The following GDAP1L1 variants were observed in gnomAD, a reference collection of about 807,000 sequenced individuals.
The protein encoded by GDAP1L1 is ganglioside-induced differentiation-associated protein 1-like 1.
GDAP1L1 carries 21 observed loss-of-function variants against 37.1 expected under a neutral mutation model. That is an observed-to-expected ratio of 0.57 (90% CI 0.40 to 0.81). GDAP1L1 has a LOEUF of 0.81. GDAP1L1 is among the 40% of genes least tolerant of loss of function. The probability of loss-of-function intolerance (pLI) is 0.00; values close to 1 mark genes in which losing one functional copy is unlikely to be tolerated. For missense variants in GDAP1L1, 362 were observed against 491.6 expected (o/e 0.74, Z 2.49); for synonymous variants, 193 against 209.1 (o/e 0.92, Z 0.67).
In GDAP1L1 at chr20:44,280,410, T is replaced by G. The variant is rs1240433528; in HGVS notation, c.*1110T>G. 1 of 153,018 alleles carries G rather than the reference T, an allele frequency of 6.5e-6. No homozygotes were observed. The highest frequency in any genetic ancestry group is 6.5e-5 in the Admixed American group (1 of 15,296). 9.5% of individuals were successfully genotyped at this position (153,018 alleles called of 1,614,324 possible). On this transcript the variant is annotated 3_prime_UTR_variant, in exon 6 of 6. Transcript: ENST00000342560. ...CATTTCTAAACCTGTGCTGTCCATC[T>G]AGTTCTCATTGCCAAGTGCTGGAGC...
intron 1 of GDAP1L1, among the ~76,000 whole-genome samples, chr20:44,250,299 C>T (rs955641377): frequency 6.6e-6 from 1 of 152,290 alleles, no homozygotes; most frequent in African/African-American, 2.4e-5. Flanking sequence ...TGGGTAATCC[C>T]GTGCAAGCTG....
intron 1 of GDAP1L1, among the ~76,000 whole-genome samples, chr20:44,256,693 T>C (rs1301702050): frequency 6.6e-6 from 1 of 151,936 alleles, no homozygotes; most frequent in African/African-American, 2.4e-5. Context: ...TTTCTGTGAA[T>C]TTCCTGGCCA....
Position 44,253,160 on chromosome 20 carries a change from G to T in GDAP1L1, c.181-3993G>T, listed in dbSNP as rs117344568. Among the ~76,000 whole-genome samples the T allele has an allele frequency of 5.4e-3, 819 of 152,096 alleles. 49 individuals carry two copies. The East Asian group carries it at 0.13, about 24-fold the overall frequency. On this transcript the variant is annotated intron_variant, in intron 1 of 5. Coordinates refer to ENST00000342560, the MANE Select transcript of GDAP1L1 (RefSeq NM_024034.6). ...TGCTCTATTTTCTCTTTTTTTGGAC[G>T]CACTCACCGTCTTTTGACAGACCAA...
intron 5 of GDAP1L1, among the ~76,000 whole-genome samples, chr20:44,266,673 T>C (rs2073766420): frequency 6.6e-6 from 1 of 152,132 alleles, no homozygotes; most frequent in Non-Finnish European, 1.5e-5. Context: ...GGCTGCCTTC[T>C]TGCCGTGTCC....
chr20:44,276,429 A>AAAGAAAGAAAGAAAGG (rs2062578671), intron 5 of GDAP1L1, among the ~76,000 whole-genome samples: 4 of 141,342 alleles, frequency 2.8e-5, no homozygotes, highest in African/African-American at 1.1e-4. Context: ...AGAAAGAAAG[A>AAAGAAAGAAAGAAAGG]AAGAAAGAAA....
intron 5 of GDAP1L1, chr20:44,264,929 G>T (rs1317571591): frequency 1.9e-5 from 20 of 1,057,446 alleles, no homozygotes; most frequent in Non-Finnish European, 2.1e-5. Context: ...GCAGCTCATA[G>T]ATGTCATGGT....
intron 1 of GDAP1L1, among the ~76,000 whole-genome samples, chr20:44,252,688 T>A (rs1304592895): frequency 6.6e-6 from 1 of 152,074 alleles, no homozygotes; most frequent in Non-Finnish European, 1.5e-5. Flanking sequence ...CTAGGCATGG[T>A]GGTGCATGCC....
In GDAP1L1 at chr20:44,250,688, A is replaced by G. The variant is rs190910684; in HGVS notation, c.180+3174A>G. Among the ~76,000 whole-genome samples, 135 of 152,332 alleles carry G rather than the reference A, an allele frequency of 8.9e-4. 1 individual carries two copies. The highest frequency in any genetic ancestry group is 3.0e-3 in the African/African-American group (126 of 41,586). On this transcript the variant is annotated intron_variant, in intron 1 of 5. Transcript: ENST00000342560. ...ATTGCCTGTTAAGAGTGAGCTTTCAAGCACTATCATAGGTCATTGCTTGGG... is the reference window on the plus strand; with the variant it reads ...ATTGCCTGTTAAGAGTGAGCTTTCAGGCACTATCATAGGTCATTGCTTGGG...
At chr20:44,272,988 C>T (rs1568657862) in intron 5 of GDAP1L1, among the ~76,000 whole-genome samples, 3 of 152,164 alleles carry the variant, frequency 2.0e-5, no homozygotes, top group South Asian at 2.1e-4. Flanking sequence ...TGCACACAGA[C>T]CTGAGTAAAG....
chr20:44,258,675 A>T, intron 3 of GDAP1L1, 68 bp downstream of exon 3: 1 of 1,174,512 alleles, frequency 8.5e-7, no homozygotes. Flanking sequence ...CTTCCAAAGG[A>T]TGTCCTCCCT....
At chr20:44,248,807 G>A (rs1191562973) in intron 1 of GDAP1L1, among the ~76,000 whole-genome samples, 1 of 152,186 alleles carries the variant, frequency 6.6e-6, no homozygotes, top group Non-Finnish European at 1.5e-5. Flanking sequence ...GCGACCAGGT[G>A]ATGCTGATGA....
intron 3 of GDAP1L1, among the ~76,000 whole-genome samples, chr20:44,262,327 G>A (rs77517069): frequency 1.7e-3 from 254 of 152,134 alleles, no homozygotes; most frequent in African/African-American, 5.8e-3. Context: ...GAAAGATGGA[G>A]GAGGAAGAAT....
At chr20:44,270,188 T>G (rs1224891737) in intron 5 of GDAP1L1, among the ~76,000 whole-genome samples, 6 of 135,778 alleles carry the variant, frequency 4.4e-5, no homozygotes, top group Non-Finnish European at 9.3e-5. Context: ...TTTTTTTTTT[T>G]GAGACGGAGT....
At chr20:44,265,567 A>C (rs2073749107) in intron 5 of GDAP1L1, 11 of 808,214 alleles carry the variant, frequency 1.4e-5, no homozygotes, top group Non-Finnish European at 1.6e-5. Flanking sequence ...TGCTGCCTCA[A>C]ATATGTAACC....
Position 44,279,159 on chromosome 20 carries a change from C to T in GDAP1L1, c.963C>T (p.Thr321=), listed in dbSNP as rs1217403755. 3 of 1,613,996 alleles carry T rather than the reference C, an allele frequency of 1.9e-6. No homozygotes were observed. The African/African-American group carries it at 4.0e-5, about 22-fold the overall frequency. Residue 321 remains threonine, a synonymous_variant, in exon 6 of 6, where the codon ACC becomes ACT. Coordinates refer to ENST00000342560, the MANE Select transcript of GDAP1L1 (RefSeq NM_024034.6). The part of the protein sequence containing the change: ...FRKVLGDIHT[T]LLSAVIPNAF... ...AAGTCCTGGGTGACATCCACACCAC[C>T]CTGCTGTCGGCCGTCATCCCCAATG...
At position 44,279,558 on chromosome 20, in the gene GDAP1L1, C is replaced by A. The variant is rs755560832; in HGVS notation, c.*258C>A. The stretch of plus-strand genomic sequence containing the variant: ...GAGAAAAAACAAAAAACAGAAAACA[C>A]GAATGCCTTTTCTATCGATTCAAGG... On this transcript the variant is annotated 3_prime_UTR_variant, in exon 6 of 6. Coordinates refer to ENST00000342560, the MANE Select transcript of GDAP1L1 (RefSeq NM_024034.6). The A allele has an allele frequency of 3.2e-6, 2 of 631,360 alleles. No individual in the cohort carries two copies. The highest frequency in any genetic ancestry group is 6.0e-6 in the Non-Finnish European group (2 of 330,944). 39.1% of individuals were successfully genotyped at this position (631,360 alleles called of 1,614,324 possible). A position where few individuals can be genotyped will look rare whatever the true frequency, so the allele number is the denominator to read the frequency against.
intron 3 of GDAP1L1, among the ~76,000 whole-genome samples, 156 bp from the exon 4 acceptor site, chr20:44,263,074 A>G (rs2073701286): frequency 6.6e-6 from 1 of 152,094 alleles, no homozygotes; most frequent in Non-Finnish European, 1.5e-5. Flanking sequence ...ATCCATCACT[A>G]CGGCACAGCC....
rs137900321 is a variant in GDAP1L1 at position 44,263,273 on chromosome 20, T to G, written c.591T>G (p.His197Gln). The G allele has an allele frequency of 6.2e-7, 1 of 1,614,072 alleles. No homozygotes were observed. Among genetic ancestry groups the G allele is most frequent in the Non-Finnish European group, 8.5e-7 (1 of 1,180,002 alleles). ...CCACGGACCTCATGAAACTGGACCA[T>G]GAAGAGGAGCCCCAGCTCTCCGAGC... ...NATTDLMKLD[H>Q]EEEPQLSEPY... Residue 197 changes from histidine to glutamine, a missense_variant, in exon 4 of 6, where the codon CAT becomes CAG. By Grantham distance (24) the His-to-Gln change is conservative. Coordinates refer to ENST00000342560, the MANE Select transcript of GDAP1L1 (RefSeq NM_024034.6).
chr20:44,256,451 C>G (rs1265532602), intron 1 of GDAP1L1, among the ~76,000 whole-genome samples: 1 of 152,126 alleles, frequency 6.6e-6, no homozygotes, highest in Admixed American at 6.5e-5. Context: ...GGCCAGAGCA[C>G]CTGAGGTCAG....
Sources: gnomAD v4.1 joint callset for allele counts (sites outside exome capture counted in the v4.1 genomes callset) on GRCh38, gnomAD v4.1.1 for gene constraint, MANE v1.5 for transcripts, NCBI Gene and HGNC (gene_info 2026-07-23, HGNC 2026-07-21) for gene names.